COL6A6: variants seen among roughly 807,000 people sequenced by gnomAD.
The protein encoded by COL6A6 is collagen alpha-6(VI) chain.
A neutral mutation model predicts 208.6 loss-of-function variants in COL6A6; 183 were observed. That is an observed-to-expected ratio of 0.88 (90% CI 0.78 to 0.99). COL6A6 has a LOEUF of 0.99. Among genes scored for constraint, COL6A6 ranks in the 50% least tolerant of loss-of-function variants. COL6A6 has a pLI of 0.00. For synonymous variants in COL6A6, 973 were observed against 1,011.8 expected (o/e 0.96, Z 0.73); for missense variants, 2,816 against 2,815.2 (o/e 1.00, Z -0.01).
chr3:130,526,954 T>A (rs992444896), intron 1 of COL6A6, among the ~76,000 whole-genome samples: 2 of 152,188 alleles, frequency 1.3e-5, no homozygotes, highest in African/African-American at 4.8e-5. Flanking sequence ...ACGATCTTAT[T>A]CTATAGATAA....
intron 12 of COL6A6, among the ~76,000 whole-genome samples, chr3:130,590,577 CT>C (rs1307612129): frequency 2.7e-5 from 4 of 147,976 alleles, no homozygotes; most frequent in South Asian, 2.1e-4. Flanking sequence ...TTTTTTGTCC[CT>C]TTTTTTTGAG....
intron 3 of COL6A6, 96 bp downstream of exon 3, chr3:130,563,760 A>G (rs959856044): frequency 2.5e-6 from 2 of 808,420 alleles, no homozygotes; most frequent in African/African-American, 1.7e-5. Context: ...TCCTATCCCC[A>G]AAATGGGCTG....
intron 24 of COL6A6, among the ~76,000 whole-genome samples, chr3:130,622,608 A>C (rs961587917): frequency 1.3e-5 from 2 of 152,120 alleles, no homozygotes; most frequent in African/African-American, 4.8e-5. Flanking sequence ...CTGTAATCCT[A>C]GCACTTTGGG....
intron 2 of COL6A6, among the ~76,000 whole-genome samples, chr3:130,561,060 C>T (rs966393325): frequency 1.3e-5 from 2 of 152,256 alleles, no homozygotes; most frequent in East Asian, 3.8e-4. Flanking sequence ...GCCCTGCAAA[C>T]ATCTTCCTTT....
intron 34 of COL6A6, among the ~76,000 whole-genome samples, chr3:130,660,577 T>C (rs1480958774): frequency 2.0e-5 from 3 of 152,226 alleles, no homozygotes; most frequent in African/African-American, 7.2e-5. Flanking sequence ...TCAACTACTA[T>C]TGAAAACCCA....
At chr3:130,551,721 G>C (rs759929576) in intron 1 of COL6A6, among the ~76,000 whole-genome samples, 63 of 147,682 alleles carry the variant, frequency 4.3e-4, no homozygotes, top group Admixed American at 1.4e-4. Context: ...GTTTGCTCTT[G>C]GTTCTCTAGT....
rs111675939 is a variant in COL6A6, at chr3:130,641,583, A to T, written c.5092-69A>T. The T allele has an allele frequency of 2.3e-3, 1,591 of 704,840 alleles. 20 individuals are homozygous for T. In the African/African-American group the frequency reaches 0.026, roughly 11 times the overall value. The allele number at this position is 704,840 out of a possible 1,614,324, so 43.7% of individuals were successfully genotyped here. A position where few individuals can be genotyped will look rare whatever the true frequency, so the allele number is the denominator to read the frequency against. On this transcript the variant is annotated intron_variant, in intron 28 of 36. Transcript: ENST00000358511. ...TTTCACCTTTGAATTTTAATTTTTT[A>T]AAATTTGAATTTACACACACACATA...
intron 29 of COL6A6, among the ~76,000 whole-genome samples, chr3:130,642,107 G>A (rs13090959): frequency 9.5e-4 from 145 of 152,082 alleles, no homozygotes; most frequent in Non-Finnish European, 1.8e-3. Flanking sequence ...GAGGTCAGGG[G>A]GGGCTCTGTT....
chr3:130,540,988 A>G (rs760869670), intron 1 of COL6A6, among the ~76,000 whole-genome samples: 9 of 152,186 alleles, frequency 5.9e-5, no homozygotes, highest in Non-Finnish European at 1.2e-4. Context: ...TATCTTTATA[A>G]TAGATTTTTT....
intron 17 of COL6A6, 127 bp downstream of exon 17, chr3:130,593,379 T>A: frequency 1.4e-6 from 1 of 731,156 alleles, no homozygotes; most frequent in Non-Finnish European, 2.4e-6. Context: ...CTCAATCACA[T>A]ACAACGATGA....
Position 130,568,133 on chromosome 3 carries a change from T to G in COL6A6, c.1930T>G (p.Phe644Val). 6.2e-7 allele frequency: 1 copy of G among 1,613,984 alleles called. No homozygotes were observed. The highest frequency in any genetic ancestry group is 8.5e-7 in the Non-Finnish European group (1 of 1,179,876). The stretch of plus-strand genomic sequence containing the variant: ...TGAAAACTTCAGCAAAATGAAAACA[T>G]TTATGAAAAACCTGGTGAGCAAGTC... ...GPENFSKMKTFMKNLVSKSQI... is the reference protein window; with the variant it reads ...GPENFSKMKTVMKNLVSKSQI... Residue 644 changes from phenylalanine to valine, a missense_variant, in exon 6 of 37, where the codon TTT becomes GTT. Transcript: ENST00000358511.
chr3:130,664,868 T>C (rs1412111155), intron 35 of COL6A6, 135 bp from the exon 36 acceptor site: 6 of 612,550 alleles, frequency 9.8e-6, no homozygotes, highest in Non-Finnish European at 1.8e-5. Context: ...CTGCTTTCAT[T>C]TCATGTGATC....
intron 33 of COL6A6, among the ~76,000 whole-genome samples, chr3:130,658,296 A>G (rs2065848162): frequency 6.6e-6 from 1 of 152,166 alleles, no homozygotes; most frequent in Non-Finnish European, 1.5e-5. Flanking sequence ...TAAAATGGGG[A>G]TGATGAGCAT....
At chr3:130,569,529 G>T (rs2107920525) in intron 6 of COL6A6, among the ~76,000 whole-genome samples, 1 of 152,352 alleles carries the variant, frequency 6.6e-6, no homozygotes, top group South Asian at 2.1e-4. Flanking sequence ...TTAAAGGGAA[G>T]AGAGGAACAT....
chr3:130,525,947 T>G (rs1195465558), intron 1 of COL6A6, among the ~76,000 whole-genome samples: 1 of 152,182 alleles, frequency 6.6e-6, no homozygotes. Context: ...CATTATGTAG[T>G]GATATATGTC....
intron 10 of COL6A6, among the ~76,000 whole-genome samples, chr3:130,583,588 G>T (rs1396524220): frequency 1.3e-5 from 2 of 152,150 alleles, no homozygotes; most frequent in Non-Finnish European, 2.9e-5. Flanking sequence ...AATATCCTCA[G>T]ATATTTAGAT....
chr3:130,586,135 T>C (rs1369945820), intron 10 of COL6A6, among the ~76,000 whole-genome samples: 1 of 152,164 alleles, frequency 6.6e-6, no homozygotes, highest in African/African-American at 2.4e-5. Flanking sequence ...TGTAAAATTT[T>C]GTAAATTTTT....
intron 36 of COL6A6, among the ~76,000 whole-genome samples, chr3:130,673,220 A>AAAAAACAAACC (rs1553724905): frequency 1.2e-4 from 16 of 129,624 alleles, no homozygotes; most frequent in African/African-American, 4.7e-4. Context: ...AAAAAAACAA[A>AAAAAACAAACC]AAAAAAAAAC....
chr3:130,654,582 C>T (rs1381077317), intron 33 of COL6A6, among the ~76,000 whole-genome samples: 1 of 152,196 alleles, frequency 6.6e-6, no homozygotes, highest in Non-Finnish European at 1.5e-5. Context: ...ATACACACAT[C>T]CTAAGTAGAA....
Sources: gnomAD v4.1 joint callset for allele counts (sites outside exome capture counted in the v4.1 genomes callset) on GRCh38, gnomAD v4.1.1 for gene constraint, MANE v1.5 for transcripts, NCBI Gene and HGNC (gene_info 2026-07-23, HGNC 2026-07-21) for gene names.